The following EYS variants were observed in gnomAD, a reference collection of about 807,000 sequenced individuals.
The protein encoded by EYS is EGF-like photoreceptor maintenance factor.
A neutral mutation model predicts 282.1 loss-of-function variants in EYS; 250 were observed. The ratio of observed to expected loss-of-function variants is 0.89; its 90% CI spans 0.80 to 0.98. The LOEUF (loss-of-function observed/expected upper bound fraction) is 0.98. Among genes scored for constraint, EYS ranks in the 50% least tolerant of loss-of-function variants. The probability of loss-of-function intolerance (pLI) is 0.00; values close to 1 mark genes in which losing one functional copy is unlikely to be tolerated. For synonymous variants in EYS, 1,355 were observed against 1,282.9 expected, an observed-to-expected ratio of 1.06 and a Z score of -1.20; for missense variants, 4,016 against 3,709.0, an observed-to-expected ratio of 1.08 and a Z score of -2.15.
At chr6:65,593,720 C>T (rs565008349) in intron 2 of EYS, among the ~76,000 whole-genome samples, 32 of 151,934 alleles carry the variant, frequency 2.1e-4, no homozygotes, top group African/African-American at 7.2e-4. Context: ...TTTATTCTCC[C>T]CATATACCTT....
At chr6:65,354,750 G>A (rs985406928) in intron 8 of EYS, among the ~76,000 whole-genome samples, 1 of 151,988 alleles carries the variant, frequency 6.6e-6, no homozygotes, top group African/African-American at 2.4e-5. Context: ...CAGGGACGCA[G>A]AGATTGCGGT....
At chr6:65,258,151 A>G (rs1220984334) in intron 12 of EYS, among the ~76,000 whole-genome samples, 11 of 152,042 alleles carry the variant, frequency 7.2e-5, no homozygotes, top group Non-Finnish European at 1.2e-4. Flanking sequence ...AAATTTAAAT[A>G]AAGTTTTAAA....
At position 65,427,307 on chromosome 6, in the gene EYS, T is replaced by C. The variant is rs139027065; in HGVS notation, c.863-21940A>G. Among the ~76,000 whole-genome samples, 728 of 152,152 alleles carry C rather than the reference T, an allele frequency of 4.8e-3. 3 individuals carry two copies. The highest frequency in any genetic ancestry group is 8.5e-3 in the Non-Finnish European group (576 of 67,926). On this transcript the variant is annotated intron_variant, in intron 5 of 42. Transcript: ENST00000503581. ...TATTAATTAAAATTATAGATCAAGT[T>C]GAAAATTAATTGAGATGATGAAGAG...
chr6:64,704,018 C>G (rs1282927371), intron 22 of EYS, among the ~76,000 whole-genome samples: 1 of 151,830 alleles, frequency 6.6e-6, no homozygotes, highest in Non-Finnish European at 1.5e-5. Flanking sequence ...ATTGACTAAA[C>G]AGTTCTACAT....
intron 13 of EYS, among the ~76,000 whole-genome samples, chr6:65,013,956 A>G (rs1232465867): frequency 6.6e-6 from 1 of 152,236 alleles, no homozygotes; most frequent in Non-Finnish European, 1.5e-5. Context: ...GATTGTGGAT[A>G]TAATTAAGTC....
chr6:64,694,774 G>C (rs1465735174), intron 22 of EYS, among the ~76,000 whole-genome samples: 3 of 152,168 alleles, frequency 2.0e-5, no homozygotes, highest in Non-Finnish European at 4.4e-5. Context: ...TTGTGAGACT[G>C]GATCAGGAGA....
At chr6:63,810,117 C>T (rs112906070) in intron 36 of EYS, among the ~76,000 whole-genome samples, 43 of 151,050 alleles carry the variant, frequency 2.8e-4, no homozygotes, top group Middle Eastern at 3.4e-3. Context: ...GAAAATTAGC[C>T]GAGTGTGGTG....
intron 12 of EYS, among the ~76,000 whole-genome samples, chr6:65,242,518 T>C (rs1257824452): frequency 6.6e-6 from 1 of 152,108 alleles, no homozygotes; most frequent in Non-Finnish European, 1.5e-5. Context: ...ATTTATCCAT[T>C]CCTCAGTTGA....
At chr6:64,341,526 G>A (rs914314251) in intron 29 of EYS, among the ~76,000 whole-genome samples, 1 of 151,624 alleles carries the variant, frequency 6.6e-6, no homozygotes, top group Non-Finnish European at 1.5e-5. Flanking sequence ...AGAACAACAG[G>A]CGCTATGGAC....
intron 7 of EYS, among the ~76,000 whole-genome samples, chr6:65,390,362 G>A (rs560142207): frequency 5.9e-5 from 9 of 151,352 alleles, no homozygotes; most frequent in Non-Finnish European, 7.4e-5. Flanking sequence ...GCCAGGGAGA[G>A]GGGGAGGGGG....
At chr6:64,116,270 C>A (rs538919864) in intron 31 of EYS, among the ~76,000 whole-genome samples, 1 of 152,046 alleles carries the variant, frequency 6.6e-6, no homozygotes, top group Non-Finnish European at 1.5e-5. Flanking sequence ...AAGGAAAGAA[C>A]TTTTTAACAT....
At chr6:65,108,247 C>T (rs182734134) in intron 12 of EYS, among the ~76,000 whole-genome samples, 26 of 152,044 alleles carry the variant, frequency 1.7e-4, no homozygotes, top group African/African-American at 5.5e-4. Flanking sequence ...TTCTTGGTTA[C>T]GGAAAGATAT....
chr6:64,947,846 A>C (rs1414113795), intron 14 of EYS, among the ~76,000 whole-genome samples: 1 of 151,780 alleles, frequency 6.6e-6, no homozygotes, highest in African/African-American at 2.4e-5. Context: ...AATCTTCGGG[A>C]CATGCCCATT....
At chr6:65,196,301 CA>C (rs1430867645) in intron 12 of EYS, among the ~76,000 whole-genome samples, 2 of 152,034 alleles carry the variant, frequency 1.3e-5, no homozygotes, top group African/African-American at 4.8e-5. Context: ...TACTCAAGCT[CA>C]AATAACCTTT....
At position 65,119,603 on chromosome 6, in the gene EYS, AT is replaced by A. The variant is rs796163949; in HGVS notation, c.2024-61877del. Among the ~76,000 whole-genome samples the A allele has an allele frequency of 9.2e-4, 136 of 147,720 alleles. 1 individual carries two copies. Among genetic ancestry groups the A allele is most frequent in the Middle Eastern group, 3.5e-3 (1 of 288 alleles). On this transcript the variant is annotated intron_variant, in intron 12 of 42. Transcript: ENST00000503581. ...GCCACACTCTGGTAAAAAGAATCCC[AT>A]TTTTAAAATTTCTTAGCCTTTTTAT...
chr6:64,453,815 CATG>C (rs1413063842), intron 26 of EYS, among the ~76,000 whole-genome samples: 2 of 152,008 alleles, frequency 1.3e-5, no homozygotes, highest in Non-Finnish European at 2.9e-5. Flanking sequence ...AATGAGAACA[CATG>C]GACACAGGAA....
chr6:65,500,456 A>C (rs1287117542), intron 2 of EYS, among the ~76,000 whole-genome samples: 1 of 152,152 alleles, frequency 6.6e-6, no homozygotes, highest in African/African-American at 2.4e-5. Flanking sequence ...TGGTAAACTC[A>C]GTAACTGGTC....
At chr6:64,500,078 GAATAA>G (rs1451110615) in intron 26 of EYS, among the ~76,000 whole-genome samples, 1 of 151,964 alleles carries the variant, frequency 6.6e-6, no homozygotes, top group East Asian at 1.9e-4. Context: ...AAAATACATT[GAATAA>G]AATGATAAAA....
chr6:64,633,514 CAG>C lies in EYS; in HGVS notation c.3444-7271_3444-7270del, dbSNP rs1483117268. Among the ~76,000 whole-genome samples the C allele has an allele frequency of 2.7e-5, 4 of 150,342 alleles. No homozygotes were observed. In the Admixed American group the frequency reaches 2.7e-4, roughly 10 times the overall value. On this transcript the variant is annotated intron_variant, in intron 22 of 42. Transcript: ENST00000503581. The stretch of plus-strand genomic sequence containing the variant: ...AAATGAAGGAGTGGAAAGAACAAAA[CAG>C]GGAAAAATAAAAGTTAAATAAGAAT...
Sources: gnomAD v4.1 joint callset for allele counts (sites outside exome capture counted in the v4.1 genomes callset) on GRCh38, gnomAD v4.1.1 for gene constraint, MANE v1.5 for transcripts, NCBI Gene and HGNC (gene_info 2026-07-23, HGNC 2026-07-21) for gene names.